Variants in ZNF714 observed in about 807,000 individuals in gnomAD.
ZNF714 encodes the protein zinc finger protein 714.
ZNF714 carries 32 observed loss-of-function variants against 46.2 expected under a neutral mutation model. The observed-to-expected ratio is 0.69, with a 90% CI of 0.52 to 0.93. The LOEUF (loss-of-function observed/expected upper bound fraction) is 0.93. ZNF714 is among the 40% of genes least tolerant of loss of function. The probability of loss-of-function intolerance (pLI) is 0.00; values close to 1 mark genes in which losing one functional copy is unlikely to be tolerated. For synonymous variants in ZNF714, 199 were observed against 213.1 expected, an observed-to-expected ratio of 0.93 and a Z score of 0.58; for missense variants, 635 against 646.3, an observed-to-expected ratio of 0.98 and a Z score of 0.19.
chr19:21,106,716 T>C (rs1024241204), intron 4 of ZNF714, among the ~76,000 whole-genome samples: 7 of 152,218 alleles, frequency 4.6e-5, no homozygotes, highest in Admixed American at 2.0e-4. Flanking sequence ...TGGAAGATCA[T>C]GTAATCATAT....
Position 21,117,795 on chromosome 19 carries a change from C to G in ZNF714, c.1131C>G (p.Ala377=). The change falls in exon 5 of 5, where the codon GCC becomes GCG. Residue 377 remains alanine, a synonymous_variant. Transcript: ENST00000456283. ...KPYKCEECGK[A]FNHSSKLTIH... Reference sequence around the variant, plus strand: ...ACAAATGTGAAGAATGTGGCAAAGCCTTTAACCACTCCTCAAAACTTACTA... The same window carrying G: ...ACAAATGTGAAGAATGTGGCAAAGCGTTTAACCACTCCTCAAAACTTACTA... 6.2e-7 allele frequency: 1 copy of G among 1,603,534 alleles called. No homozygotes were observed. Among genetic ancestry groups the G allele is most frequent in the East Asian group, 2.2e-5 (1 of 44,476 alleles).
Position 21,117,654 on chromosome 19 carries a change from A to G in ZNF714, c.990A>G (p.Lys330=). The change falls in exon 5 of 5, where the codon AAA becomes AAG. Residue 330 remains lysine, a synonymous_variant. Coordinates refer to ENST00000456283, the MANE Select transcript of ZNF714 (RefSeq NM_182515.4). ...TTAACTGGTCTTCAACCCTTACAAAACATAAAAGAATTCATACTGGAGAGA... is the reference window on the plus strand; with the variant it reads ...TTAACTGGTCTTCAACCCTTACAAAGCATAAAAGAATTCATACTGGAGAGA... ...KGFNWSSTLT[K]HKRIHTGEKP... The G allele has an allele frequency of 1.9e-6, 3 of 1,613,722 alleles. No homozygotes were observed. The highest frequency in any genetic ancestry group is 4.5e-5 in the East Asian group (2 of 44,824).
chr19:21,107,674 A>G (rs566744855), intron 4 of ZNF714, among the ~76,000 whole-genome samples: 1 of 152,288 alleles, frequency 6.6e-6, no homozygotes, highest in East Asian at 1.9e-4. Context: ...AATACGTTGA[A>G]GAGTGTCTTT....
chr19:21,087,620 A>G (rs1355248967), intron 2 of ZNF714, among the ~76,000 whole-genome samples: 1 of 152,196 alleles, frequency 6.6e-6, no homozygotes, highest in Non-Finnish European at 1.5e-5. Context: ...AGAGTAGATC[A>G]GTGCTTTAAG....
intron 4 of ZNF714, among the ~76,000 whole-genome samples, chr19:21,102,655 C>T (rs1420842136): frequency 6.6e-6 from 1 of 152,054 alleles, no homozygotes; most frequent in Non-Finnish European, 1.5e-5. Context: ...ACTGCATATT[C>T]TGTGAAATTT....
At chr19:21,108,476 C>G (rs926134660) in intron 4 of ZNF714, among the ~76,000 whole-genome samples, 1 of 152,132 alleles carries the variant, frequency 6.6e-6, no homozygotes, top group African/African-American at 2.4e-5. Context: ...TTCATGAATG[C>G]CTTTGTGCTA....
intron 2 of ZNF714, among the ~76,000 whole-genome samples, chr19:21,084,786 C>T (rs906185391): frequency 6.6e-6 from 1 of 150,654 alleles, no homozygotes; most frequent in African/African-American, 2.5e-5. Context: ...TCACTGCAAC[C>T]TCCACCTCCT....
intron 4 of ZNF714, among the ~76,000 whole-genome samples, chr19:21,106,415 A>G (rs1969315185): frequency 6.6e-6 from 1 of 151,776 alleles, no homozygotes; most frequent in East Asian, 2.0e-4. Flanking sequence ...CTAAAAATAC[A>G]AAAATTAGCT....
At chr19:21,112,222 T>C (rs1056603754) in intron 4 of ZNF714, among the ~76,000 whole-genome samples, 151 of 152,182 alleles carry the variant, frequency 9.9e-4, no homozygotes, top group African/African-American at 3.5e-3. Flanking sequence ...CCTGGACTTT[T>C]TATGGTTGGT....
chr19:21,112,949 A>G (rs1685077099), intron 4 of ZNF714, among the ~76,000 whole-genome samples: 1 of 150,102 alleles, frequency 6.7e-6, no homozygotes, highest in African/African-American at 2.5e-5. Flanking sequence ...CAGCCTCCCA[A>G]GTAGCTGGGA....
In ZNF714 at chr19:21,120,589, A is replaced by C. The variant is rs1202134879; in HGVS notation, c.*2257A>C. On this transcript the variant is annotated 3_prime_UTR_variant, in exon 5 of 5. Transcript: ENST00000456283. The stretch of plus-strand genomic sequence containing the variant: ...TTATATAAGATGCAGTACATTTTTA[A>C]AATTTTAGATTGTGTGAAGTTAATA... 1 of 152,126 alleles carries C rather than the reference A, an allele frequency of 6.6e-6. No homozygotes were observed. Among genetic ancestry groups the C allele is most frequent in the Non-Finnish European group, 1.5e-5 (1 of 68,026 alleles). 9.4% of individuals were successfully genotyped at this position (152,126 alleles called of 1,614,324 possible).
At chr19:21,113,118 GC>G (rs1193118317) in intron 4 of ZNF714, 1 of 152,438 alleles carries the variant, frequency 6.6e-6, no homozygotes, top group East Asian at 1.9e-4. Context: ...GAGCCACCAT[GC>G]CCAGCCAAAG....
At chr19:21,088,275 A>C (rs1968830866) in intron 2 of ZNF714, among the ~76,000 whole-genome samples, 2 of 152,254 alleles carry the variant, frequency 1.3e-5, no homozygotes, top group South Asian at 4.1e-4. Context: ...TTTGTCCTAA[A>C]CATCCATCTT....
intron 1 of ZNF714, among the ~76,000 whole-genome samples, 174 bp from the exon 2 acceptor site, chr19:21,083,804 T>C (rs1025527842): frequency 1.3e-5 from 2 of 152,110 alleles, no homozygotes; most frequent in African/African-American, 2.4e-5. Flanking sequence ...AGAATGTTTT[T>C]GGGTCAAGGT....
chr19:21,117,240 G>T lies in ZNF714; in HGVS notation c.576G>T (p.Lys192Asn). The change falls in exon 5 of 5, where the codon AAG becomes AAT. Residue 192 changes from lysine to asparagine, a missense_variant. Physicochemically the swap from Lys to Asn is moderately conservative, Grantham distance 94. Transcript: ENST00000456283. Reference sequence around the variant, plus strand: ...GGTTCTCAACCCTTACTAGACACAAGAGAGTTCATACTGGAGAGAAACCCT... The same window carrying T: ...GGTTCTCAACCCTTACTAGACACAATAGAGTTCATACTGGAGAGAAACCCT... ...FKRFSTLTRH[K>N]RVHTGEKPFK... is the part of the protein sequence containing the mutation. The T allele has an allele frequency of 6.2e-7, 1 of 1,614,062 alleles. No individual in the cohort carries two copies. Among genetic ancestry groups the T allele is most frequent in the Non-Finnish European group, 8.5e-7 (1 of 1,179,962 alleles).
intron 4 of ZNF714, among the ~76,000 whole-genome samples, chr19:21,099,199 A>G (rs1969114083): frequency 6.6e-6 from 1 of 151,672 alleles, no homozygotes; most frequent in Non-Finnish European, 1.5e-5. Context: ...GTTTTTTGAG[A>G]CAGAGTTTCG....
rs1450076735 is a variant in ZNF714 at position 21,117,553 on chromosome 19, T to A, written c.889T>A (p.Phe297Ile). The A allele has an allele frequency of 1.2e-6, 2 of 1,605,972 alleles. No individual in the cohort carries two copies. Among genetic ancestry groups the A allele is most frequent in the Non-Finnish European group, 1.7e-6 (2 of 1,175,638 alleles). Residue 297 changes from phenylalanine to isoleucine, a missense_variant, in exon 5 of 5, where the codon TTC (phenylalanine) becomes ATC (isoleucine). Physicochemically the swap from Phe to Ile is conservative, Grantham distance 21. Coordinates refer to ENST00000456283, the MANE Select transcript of ZNF714 (RefSeq NM_182515.4). ...AGAATGTGACAAAGCTTTTAACCGATTCTCATACCTTACTAAACATAAGAT... is the reference window on the plus strand; with the variant it reads ...AGAATGTGACAAAGCTTTTAACCGAATCTCATACCTTACTAAACATAAGAT... ...CEECDKAFNR[F>I]SYLTKHKIIH...
Position 21,119,188 on chromosome 19 carries a change from A to G in ZNF714, c.*856A>G, listed in dbSNP as rs764687828. The G allele has an allele frequency of 1.8e-4, 73 of 416,846 alleles. No homozygotes were observed. The highest frequency in any genetic ancestry group is 1.2e-3 in the South Asian group (73 of 59,504). 25.8% of individuals were successfully genotyped at this position (416,846 alleles called of 1,614,324 possible). ...GGTAGGCCAAGGCAGGTGGATCATG[A>G]GGTCAGGAGTTTGAGACCAGCCTAT... On this transcript the variant is annotated 3_prime_UTR_variant, in exon 5 of 5. Transcript: ENST00000456283.
chr19:21,099,016 A>G (rs1969109290), intron 4 of ZNF714, 106 bp downstream of exon 4: 1 of 651,592 alleles, frequency 1.5e-6, no homozygotes, highest in Non-Finnish European at 2.5e-6. Context: ...GCTGTTTTGC[A>G]AAGTATATAG....
Sources: allele counts gnomAD v4.1 joint callset (sites outside exome capture counted in the v4.1 genomes callset), GRCh38; gene constraint gnomAD v4.1.1; transcripts MANE v1.5; gene names NCBI Gene and HGNC (gene_info 2026-07-23, HGNC 2026-07-21).